SGCZ: variants seen among roughly 807,000 people sequenced by gnomAD.
SGCZ encodes the protein sarcoglycan zeta, also known as zeta-sarcoglycan.
A neutral mutation model predicts 41.3 loss-of-function variants in SGCZ; 40 were observed. The observed-to-expected ratio is 0.97, with a 90% confidence interval of 0.75 to 1.26. The LOEUF is 1.26. Among genes scored for constraint, SGCZ ranks in the 50% most tolerant of loss-of-function variants. The pLI, the probability that SGCZ is intolerant of heterozygous loss-of-function variation, is 0.00. For synonymous variants in SGCZ, 206 were observed against 137.5 expected (o/e 1.50, Z -3.49); for missense variants, 552 against 369.8 (o/e 1.49, Z -4.04).
At chr8:14,995,357 A>T (rs570206094) in intron 1 of SGCZ, among the ~76,000 whole-genome samples, 2 of 152,338 alleles carry the variant, frequency 1.3e-5, no homozygotes, top group Admixed American at 1.3e-4. Context: ...GAAGAGAGAA[A>T]GTAAAACTCC....
intron 1 of SGCZ, among the ~76,000 whole-genome samples, chr8:14,968,303 G>A (rs892794532): frequency 6.6e-6 from 1 of 152,046 alleles, no homozygotes; most frequent in African/African-American, 2.4e-5. Flanking sequence ...AAAATCACTT[G>A]AACAGACCCT....
chr8:14,511,451 AAAG>A (rs1158468444), intron 2 of SGCZ, among the ~76,000 whole-genome samples: 1 of 152,008 alleles, frequency 6.6e-6, no homozygotes, highest in African/African-American at 2.4e-5. Flanking sequence ...GTAATTTTTA[AAAG>A]AAGAACAAGC....
intron 3 of SGCZ, among the ~76,000 whole-genome samples, chr8:14,317,465 A>G (rs1801756238): frequency 6.6e-6 from 1 of 152,018 alleles, no homozygotes; most frequent in African/African-American, 2.4e-5. Flanking sequence ...CAGAAATAAT[A>G]AAATTTCAAG....
intron 1 of SGCZ, among the ~76,000 whole-genome samples, chr8:14,751,625 T>C (rs1449218398): frequency 1.3e-5 from 2 of 152,168 alleles, no homozygotes; most frequent in African/African-American, 4.8e-5. Flanking sequence ...AAAGAGAGGC[T>C]GGTTTTAATA....
chr8:15,195,070 C>A (rs956310372), intron 1 of SGCZ, among the ~76,000 whole-genome samples: 4 of 152,142 alleles, frequency 2.6e-5, no homozygotes, highest in African/African-American at 9.7e-5. Context: ...AAATACTACA[C>A]AGTGAGGTTC....
intron 3 of SGCZ, among the ~76,000 whole-genome samples, chr8:14,307,821 G>C (rs1037683410): frequency 6.6e-6 from 1 of 152,110 alleles, no homozygotes; most frequent in African/African-American, 2.4e-5. Context: ...TCATAGGCAA[G>C]ATGGCAAGGG....
intron 2 of SGCZ, among the ~76,000 whole-genome samples, chr8:14,351,793 G>C (rs970871778): frequency 1.3e-5 from 2 of 151,848 alleles, no homozygotes; most frequent in Non-Finnish European, 2.9e-5. Flanking sequence ...TAACTATTTG[G>C]CAAATGGGTC....
At chr8:14,602,782 G>C (rs1008366344) in intron 1 of SGCZ, among the ~76,000 whole-genome samples, 1 of 152,136 alleles carries the variant, frequency 6.6e-6, no homozygotes, top group Admixed American at 6.5e-5. Flanking sequence ...GCATTTGAGA[G>C]TAATAACCTT....
chr8:14,257,681 G>A (rs984746026), intron 3 of SGCZ, among the ~76,000 whole-genome samples: 31 of 146,686 alleles, frequency 2.1e-4, no homozygotes, highest in African/African-American at 7.3e-4. Context: ...CCCTTCCTGT[G>A]TCCAAGTGTT....
chr8:14,251,513 T>A (rs139339044), intron 3 of SGCZ, among the ~76,000 whole-genome samples: 1 of 152,180 alleles, frequency 6.6e-6, no homozygotes, highest in African/African-American at 2.4e-5. Context: ...CAAAGTATTA[T>A]ATTTTAATAA....
chr8:14,917,790 G>T (rs1438824979), intron 1 of SGCZ, among the ~76,000 whole-genome samples: 1 of 151,834 alleles, frequency 6.6e-6, no homozygotes, highest in East Asian at 1.9e-4. Context: ...AAATGATTTC[G>T]TGTCTTCTAT....
chr8:14,664,580 T>C (rs901234768), intron 1 of SGCZ, among the ~76,000 whole-genome samples: 1 of 152,064 alleles, frequency 6.6e-6, no homozygotes, highest in Non-Finnish European at 1.5e-5. Flanking sequence ...AGAGCTCAAA[T>C]CATCAACACC....
chr8:14,159,605 C>G (rs1214886657), intron 5 of SGCZ, among the ~76,000 whole-genome samples: 2 of 152,122 alleles, frequency 1.3e-5, no homozygotes, highest in African/African-American at 4.8e-5. Flanking sequence ...TGATCCAGGT[C>G]TACAAACTTT....
intron 1 of SGCZ, among the ~76,000 whole-genome samples, chr8:14,742,142 C>G (rs1288133302): frequency 6.6e-6 from 1 of 152,010 alleles, no homozygotes; most frequent in East Asian, 1.9e-4. Context: ...AAACATGAGC[C>G]TAAAGTTTAT....
At chr8:14,716,289 G>A (rs1278824539) in intron 1 of SGCZ, among the ~76,000 whole-genome samples, 2 of 151,974 alleles carry the variant, frequency 1.3e-5, no homozygotes, top group Non-Finnish European at 2.9e-5. Flanking sequence ...AGAAAAATAG[G>A]AGCCCATGAT....
chr8:14,283,035 G>C (rs955193003), intron 3 of SGCZ, among the ~76,000 whole-genome samples: 6 of 150,598 alleles, frequency 4.0e-5, no homozygotes, highest in Non-Finnish European at 8.9e-5. Context: ...ATTTTTAGTA[G>C]AGACGGGGTT....
At chr8:14,287,083 A>C (rs1159602250) in intron 3 of SGCZ, among the ~76,000 whole-genome samples, 1 of 151,950 alleles carries the variant, frequency 6.6e-6, no homozygotes, top group Non-Finnish European at 1.5e-5. Flanking sequence ...TCTTACAAAT[A>C]CATAAGTAAT....
chr8:14,116,398 A>AT, intron 5 of SGCZ, among the ~76,000 whole-genome samples: 1 of 152,094 alleles, frequency 6.6e-6, no homozygotes, highest in South Asian at 2.1e-4. Context: ...TTTACCTACA[A>AT]TTTTTTTGGG....
chr8:14,611,873 T>C (rs1237593767), intron 1 of SGCZ, among the ~76,000 whole-genome samples: 3 of 152,204 alleles, frequency 2.0e-5, no homozygotes, highest in Admixed American at 6.5e-5. Context: ...ATGCAAAAGC[T>C]TGTCACTCAT....
Sources: gnomAD v4.1 joint callset for allele counts (sites outside exome capture counted in the v4.1 genomes callset) on GRCh38, gnomAD v4.1.1 for gene constraint, MANE v1.5 for transcripts, NCBI Gene and HGNC (gene_info 2026-07-23, HGNC 2026-07-21) for gene names.